Variants in GLRA2 observed in about 807,000 individuals in gnomAD.
The protein encoded by GLRA2 is glycine receptor subunit alpha-2.
In GLRA2, 11 loss-of-function variants were observed where a neutral mutation model predicts 31.6. The observed-to-expected ratio is 0.35, with a 90% CI of 0.22 to 0.58. GLRA2 has a LOEUF of 0.58. Ranked by LOEUF, GLRA2 falls within the 20% of genes least tolerant of loss-of-function variation. GLRA2 has a pLI of 0.84. For missense variants in GLRA2, 212 were observed against 351.8 expected, an observed-to-expected ratio of 0.60 and a Z score of 3.18; for synonymous variants, 132 against 134.0, an observed-to-expected ratio of 0.99 and a Z score of 0.10.
rs756910791 is a variant in GLRA2, at chrX:14,588,163, C to A, written c.494+6757C>A. ...AAGTGATCTGCCCACCTCAGCCTCC[C>A]AAAGTGTTGGGATTACAGGCATGAG... is the stretch of plus-strand genomic sequence containing the variant. On this transcript the variant is annotated intron_variant, in intron 4 of 8. Coordinates refer to ENST00000218075, the MANE Select transcript of GLRA2 (RefSeq NM_002063.4). 3.6e-5 allele frequency among the ~76,000 whole-genome samples: 4 copies of A among 111,751 alleles called. No individual in the cohort carries two copies. The South Asian group carries it at 1.5e-3, about 42-fold the overall frequency.
intron 8 of GLRA2, among the ~76,000 whole-genome samples, chrX:14,692,603 G>A (rs1185011812): frequency 2.7e-5 from 3 of 111,768 alleles, no homozygotes; most frequent in African/African-American, 9.8e-5. Context: ...TTCAGATGTT[G>A]ATTTATAAAG....
chrX:14,649,392 G>A (rs764041472), intron 7 of GLRA2, among the ~76,000 whole-genome samples: 1 of 110,915 alleles, frequency 9.0e-6, no homozygotes, highest in African/African-American at 3.3e-5. Flanking sequence ...AGTAGGATGA[G>A]TATGAATACT....
chrX:14,568,548 C>T (rs1466076743), intron 2 of GLRA2, among the ~76,000 whole-genome samples: 1 of 110,073 alleles, frequency 9.1e-6, no homozygotes, highest in Non-Finnish European at 1.9e-5. Flanking sequence ...CAAAAATTAG[C>T]CGGGCGTGGT....
At chrX:14,604,890 G>C (rs755224138) in intron 5 of GLRA2, among the ~76,000 whole-genome samples, 66 of 110,547 alleles carry the variant, frequency 6.0e-4, no homozygotes, top group Non-Finnish European at 9.7e-4. Context: ...CTTGGCCAGA[G>C]GAGGATGTAA....
chrX:14,531,929 A>C (rs967034830), intron 1 of GLRA2, among the ~76,000 whole-genome samples: 3 of 111,724 alleles, frequency 2.7e-5, no homozygotes, highest in African/African-American at 9.7e-5. Flanking sequence ...CATTTCTCTG[A>C]ATAGTTTTAA....
At chrX:14,592,467 C>G (rs1350482228) in intron 4 of GLRA2, among the ~76,000 whole-genome samples, 1 of 110,325 alleles carries the variant, frequency 9.1e-6, no homozygotes, top group Non-Finnish European at 1.9e-5. Context: ...CTCAGGAGTT[C>G]AAGACAAGCC....
At chrX:14,615,849 C>G (rs927368068) in intron 7 of GLRA2, among the ~76,000 whole-genome samples, 6 of 111,447 alleles carry the variant, frequency 5.4e-5, no homozygotes, top group African/African-American at 1.6e-4. Context: ...TCCTGCCAAC[C>G]AATACTTTTT....
chrX:14,517,967 C>T, the GLRA2 span, among the ~76,000 whole-genome samples: 7 of 111,032 alleles, frequency 6.3e-5, no homozygotes. Context: ...ATTTGTAAGA[C>T]ATAAACTGGC....
At chrX:14,640,323 T>C (rs1464961898) in intron 7 of GLRA2, among the ~76,000 whole-genome samples, 1 of 111,286 alleles carries the variant, frequency 9.0e-6, no homozygotes, top group Non-Finnish European at 1.9e-5. Context: ...TCAGCAAATA[T>C]ATTGCTTGTA....
At chrX:14,529,522 A>G (rs931070018), upstream of GLRA2, 4 of 113,276 alleles carry the variant, frequency 3.5e-5, no homozygotes, top group Non-Finnish European at 7.3e-5. Context: ...TAGGCTGGGT[A>G]AGATCACGTC....
chrX:14,573,825 AAAG>A (rs2089916620), intron 2 of GLRA2, among the ~76,000 whole-genome samples: 1 of 110,737 alleles, frequency 9.0e-6, no homozygotes, highest in African/African-American at 3.3e-5. Flanking sequence ...CAGAGGATAT[AAAG>A]AAGGAGTGGG....
At chrX:14,461,126 C>T in the GLRA2 span, among the ~76,000 whole-genome samples, 1 of 112,107 alleles carries the variant, frequency 8.9e-6, no homozygotes, top group South Asian at 3.7e-4. Context: ...ACCCAGTAGC[C>T]ATTCAGGAGC....
At chrX:14,498,599 T>C in the GLRA2 span, among the ~76,000 whole-genome samples, 4 of 111,523 alleles carry the variant, frequency 3.6e-5, no homozygotes, top group Non-Finnish European at 5.7e-5. Context: ...TAAATACTTT[T>C]CTTTATGATA....
At chrX:14,606,992 C>A in intron 5 of GLRA2, 139 bp from the exon 6 acceptor site, 1 of 427,323 alleles carries the variant, frequency 2.3e-6, no homozygotes, top group Non-Finnish European at 4.1e-6. Flanking sequence ...GATTGCAGCT[C>A]TTTTATTAAG....
At chrX:14,702,157 C>T (rs1306711843) in intron 8 of GLRA2, among the ~76,000 whole-genome samples, 4 of 111,697 alleles carry the variant, frequency 3.6e-5, no homozygotes, top group Non-Finnish European at 7.5e-5. Context: ...GCTTTCACTA[C>T]ATCATAAAAA....
At chrX:14,711,936 T>C (rs2091715787) in intron 8 of GLRA2, among the ~76,000 whole-genome samples, 1 of 112,685 alleles carries the variant, frequency 8.9e-6, no homozygotes, top group Admixed American at 9.4e-5. Flanking sequence ...CTACTATGAG[T>C]GAGTTTCTGT....
chrX:14,681,910 A>ATATATATATAT (rs1556060453), intron 7 of GLRA2, among the ~76,000 whole-genome samples: 11 of 41,274 alleles, frequency 2.7e-4, no homozygotes, highest in African/African-American at 1.2e-3. Flanking sequence ...AAAAAAAAAA[A>ATATATATATAT]ATATATATAT....
the GLRA2 span, among the ~76,000 whole-genome samples, chrX:14,470,640 T>C: frequency 1.8e-5 from 2 of 112,084 alleles, no homozygotes; most frequent in Non-Finnish European, 3.8e-5. Context: ...ATTTTGTTTA[T>C]AACCCTGCCT....
At chrX:14,723,428 T>A (rs757729228) in intron 8 of GLRA2, among the ~76,000 whole-genome samples, 13 of 112,241 alleles carry the variant, frequency 1.2e-4, no homozygotes, top group Non-Finnish European at 2.3e-4. Flanking sequence ...GCTGTAGCTT[T>A]GTAACTTCTT....
Sources: gnomAD v4.1 joint callset for allele counts (sites outside exome capture counted in the v4.1 genomes callset) on GRCh38, gnomAD v4.1.1 for gene constraint, MANE v1.5 for transcripts, NCBI Gene and HGNC (gene_info 2026-07-23, HGNC 2026-07-21) for gene names.